The following DOCK1 variants were observed in gnomAD, a reference collection of about 807,000 sequenced individuals.
DOCK1 encodes dedicator of cytokinesis protein 1.
A neutral mutation model predicts 262.7 loss-of-function variants in DOCK1; 138 were observed. The ratio of observed to expected loss-of-function variants is 0.53; its 90% CI spans 0.46 to 0.61. The LOEUF is 0.61. Among genes scored for constraint, DOCK1 ranks in the 20% least tolerant of loss-of-function variants. DOCK1 has a pLI of 0.00. For missense variants in DOCK1, 1,908 were observed against 2,370.7 expected, an observed-to-expected ratio of 0.80 and a Z score of 4.05; for synonymous variants, 866 against 867.4, an observed-to-expected ratio of 1.00 and a Z score of 0.03.
At chr10:126,966,488 A>T (rs1478692008) in intron 1 of DOCK1, among the ~76,000 whole-genome samples, 1 of 152,180 alleles carries the variant, frequency 6.6e-6, no homozygotes, top group African/African-American at 2.4e-5. Context: ...ATTGTTGTCT[A>T]TAATGGCATA....
At chr10:127,381,128 C>T in intron 36 of DOCK1, 150 bp from the exon 37 acceptor site, 15 of 543,938 alleles carry the variant, frequency 2.8e-5, no homozygotes, top group South Asian at 2.0e-4. Flanking sequence ...CTTTCTGTAC[C>T]AAAAGTTTTT....
At chr10:126,975,340 G>A (rs965168398) in intron 2 of DOCK1, among the ~76,000 whole-genome samples, 1 of 152,152 alleles carries the variant, frequency 6.6e-6, no homozygotes, top group Non-Finnish European at 1.5e-5. Flanking sequence ...GCACACAGAT[G>A]TCTTTGGGCT....
In DOCK1 at chr10:127,127,838, A is replaced by G. The variant is rs1001692060; in HGVS notation, c.2847+74A>G. ...ATCCTTCTCCAACTGCTGTTTGAACATAGCTTATTATACTGCAATGTAGTG... is the reference window on the plus strand; with the variant it reads ...ATCCTTCTCCAACTGCTGTTTGAACGTAGCTTATTATACTGCAATGTAGTG... On this transcript the variant is annotated intron_variant, in intron 27 of 51. Transcript: ENST00000623213. 6.2e-6 allele frequency: 8 copies of G among 1,287,366 alleles called. No individual in the cohort carries two copies. The Admixed American group carries it at 1.2e-4, about 20-fold the overall frequency. 79.7% of individuals were successfully genotyped at this position (1,287,366 alleles called of 1,614,324 possible).
At chr10:126,978,394 C>A (rs2134785959) in intron 3 of DOCK1, among the ~76,000 whole-genome samples, 1 of 152,204 alleles carries the variant, frequency 6.6e-6, no homozygotes, top group African/African-American at 2.4e-5. Context: ...ATGCTGTTTC[C>A]CTCTTGCATA....
At chr10:127,075,468 C>T (rs1036229445) in intron 23 of DOCK1, among the ~76,000 whole-genome samples, 6 of 151,978 alleles carry the variant, frequency 3.9e-5, no homozygotes, top group Admixed American at 3.3e-4. Flanking sequence ...GATATGGTTT[C>T]GTCATATATT....
chr10:127,247,546 C>A (rs1590108252), intron 27 of DOCK1, among the ~76,000 whole-genome samples: 1 of 152,178 alleles, frequency 6.6e-6, no homozygotes, highest in East Asian at 1.9e-4. Flanking sequence ...AACAGAAGTT[C>A]CCATGATTTC....
intron 24 of DOCK1, among the ~76,000 whole-genome samples, chr10:127,107,959 C>T (rs1228450085): frequency 6.6e-6 from 1 of 152,208 alleles, no homozygotes; most frequent in African/African-American, 2.4e-5. Flanking sequence ...ATTAGCCCCT[C>T]ACCGATGGAG....
rs868853842 is a variant in DOCK1, at chr10:127,427,691, C to T, written c.4914+1680C>T. The stretch of plus-strand genomic sequence containing the variant: ...GACATTTGGCACCACAGAGCTTCTC[C>T]GCCTCTTTCCCACATGGTAGGAAAT... On this transcript the variant is annotated intron_variant, in intron 47 of 51. Transcript: ENST00000623213. 1.1e-4 allele frequency among the ~76,000 whole-genome samples: 17 copies of T among 152,334 alleles called. No homozygotes were observed. In the South Asian group the frequency reaches 1.4e-3, roughly 13 times the overall value.
intron 15 of DOCK1, 117 bp downstream of exon 15, chr10:127,024,900 G>A: frequency 1.3e-6 from 1 of 793,200 alleles, no homozygotes. Flanking sequence ...CAGGCAGAGT[G>A]TCTCCCAACA....
At chr10:127,143,618 T>C (rs769010434) in intron 27 of DOCK1, among the ~76,000 whole-genome samples, 23 of 152,308 alleles carry the variant, frequency 1.5e-4, no homozygotes, top group Middle Eastern at 3.4e-3. Flanking sequence ...GCACAACAAT[T>C]TATGTCAACT....
intron 23 of DOCK1, among the ~76,000 whole-genome samples, chr10:127,068,630 C>T (rs2046017605): frequency 6.6e-6 from 1 of 152,172 alleles, no homozygotes. Flanking sequence ...AATCATTTAT[C>T]ACCCTACCTT....
At chr10:126,981,757 C>T (rs933675760) in intron 3 of DOCK1, among the ~76,000 whole-genome samples, 161 bp from the exon 4 acceptor site, 10 of 152,108 alleles carry the variant, frequency 6.6e-5, no homozygotes, top group Admixed American at 1.3e-4. Flanking sequence ...AATGAGTTGC[C>T]GTCTTTTCTA....
intron 38 of DOCK1, among the ~76,000 whole-genome samples, chr10:127,392,622 G>A (rs1302098390): frequency 6.6e-6 from 1 of 152,122 alleles, no homozygotes; most frequent in African/African-American, 2.4e-5. Context: ...AATCAAGAAG[G>A]TGGCCGTCAC....
At chr10:126,949,981 G>A (rs2036053806) in intron 1 of DOCK1, among the ~76,000 whole-genome samples, 1 of 151,864 alleles carries the variant, frequency 6.6e-6, no homozygotes, top group African/African-American at 2.4e-5. Context: ...AGAAACATTA[G>A]CCCCCCAAAG....
Position 127,419,857 on chromosome 10 carries a change from G to T in DOCK1, c.4776+108G>T, listed in dbSNP as rs1430002573. 3 of 1,174,306 alleles carry T rather than the reference G, an allele frequency of 2.6e-6. No individual in the cohort carries two copies. In the Admixed American group the frequency reaches 6.2e-5, roughly 24 times the overall value. The allele number at this position is 1,174,306 out of a possible 1,614,324, so 72.7% of individuals were successfully genotyped here. The stretch of plus-strand genomic sequence containing the variant: ...ATGGAGGTCCCTGGGCTGCAGTCCT[G>T]ATGCACGTGGCTGTGATTGTCCCTG... On this transcript the variant is annotated intron_variant, in intron 46 of 51. Coordinates refer to ENST00000623213, the MANE Select transcript of DOCK1 (RefSeq NM_001290223.2).
At chr10:127,092,249 G>A (rs759868399) in intron 23 of DOCK1, among the ~76,000 whole-genome samples, 5 of 152,222 alleles carry the variant, frequency 3.3e-5, no homozygotes, top group Non-Finnish European at 7.3e-5. Context: ...GCACAGAGGA[G>A]GATGAGCTGG....
chr10:127,268,397 G>A (rs1311683415), intron 29 of DOCK1, among the ~76,000 whole-genome samples: 2 of 150,852 alleles, frequency 1.3e-5, no homozygotes, highest in East Asian at 3.9e-4. Context: ...CTACTCAGGA[G>A]GCTGAGACAG....
chr10:127,312,811 C>T (rs1056360718), intron 29 of DOCK1, among the ~76,000 whole-genome samples: 4 of 150,688 alleles, frequency 2.7e-5, no homozygotes, highest in African/African-American at 9.9e-5. Flanking sequence ...CCATCACTCC[C>T]TCCCTCCTTC....
chr10:127,066,578 G>A (rs112787761), intron 23 of DOCK1, among the ~76,000 whole-genome samples: 57 of 152,188 alleles, frequency 3.7e-4, no homozygotes, highest in African/African-American at 3.1e-4. Flanking sequence ...TTTTTCCCTC[G>A]TGGAGACCCA....
Sources: allele counts gnomAD v4.1 joint callset (sites outside exome capture counted in the v4.1 genomes callset), GRCh38; gene constraint gnomAD v4.1.1; transcripts MANE v1.5; gene names NCBI Gene and HGNC (gene_info 2026-07-23, HGNC 2026-07-21).